SGCD: variants seen among roughly 807,000 people sequenced by gnomAD.
SGCD encodes the protein delta-sarcoglycan.
Under a neutral mutation model 36.6 loss-of-function variants are expected in SGCD, and 18 were observed. The ratio of observed to expected loss-of-function variants is 0.49; its 90% confidence interval spans 0.34 to 0.73. The LOEUF (loss-of-function observed/expected upper bound fraction) is 0.73. SGCD is among the 30% of genes least tolerant of loss of function. The pLI is 0.01. For missense variants in SGCD, 387 were observed against 346.7 expected (o/e 1.12, Z -0.92); for synonymous variants, 133 against 130.6 (o/e 1.02, Z -0.12).
intron 3 of SGCD, among the ~76,000 whole-genome samples, chr5:156,131,215 C>T (rs898445708): frequency 6.6e-5 from 10 of 152,052 alleles, no homozygotes; most frequent in African/African-American, 2.4e-4. Flanking sequence ...GTTTAGAAAA[C>T]CCCATATGAC....
At chr5:156,707,577 C>G in intron 7 of SGCD, among the ~76,000 whole-genome samples, 1 of 151,952 alleles carries the variant, frequency 6.6e-6, no homozygotes, top group East Asian at 1.9e-4. Flanking sequence ...TAATGTGTTC[C>G]TTGTTTATGA....
chr5:156,746,284 A>T (rs1165926877), intron 7 of SGCD, among the ~76,000 whole-genome samples: 1 of 152,186 alleles, frequency 6.6e-6, no homozygotes, highest in Non-Finnish European at 1.5e-5. Flanking sequence ...ATATAGCCAA[A>T]ATCTCTCTCA....
chr5:155,888,504 G>A (rs1280284436), intron 1 of SGCD, among the ~76,000 whole-genome samples: 2 of 152,174 alleles, frequency 1.3e-5, no homozygotes, highest in Admixed American at 6.5e-5. Flanking sequence ...TAAGGGAATA[G>A]GGACGCAAAG....
chr5:156,131,634 A>G (rs189787625), intron 3 of SGCD, among the ~76,000 whole-genome samples: 5 of 152,300 alleles, frequency 3.3e-5, no homozygotes, highest in Admixed American at 3.3e-4. Context: ...TAAAAACTAT[A>G]TCAGTGTTTT....
chr5:156,638,369 C>A (rs964755494), intron 6 of SGCD, among the ~76,000 whole-genome samples: 6 of 152,168 alleles, frequency 3.9e-5, no homozygotes, highest in African/African-American at 1.4e-4. Flanking sequence ...ATTCTGGCCA[C>A]CTGTCCCACT....
intron 3 of SGCD, among the ~76,000 whole-genome samples, chr5:156,258,591 A>G (rs375266634): frequency 2.0e-4 from 30 of 152,286 alleles, no homozygotes; most frequent in Middle Eastern, 6.8e-3. Flanking sequence ...ACCTTTCTCT[A>G]TGTGGTCACA....
intron 6 of SGCD, among the ~76,000 whole-genome samples, chr5:156,625,361 AGTC>A (rs1219241882): frequency 6.6e-6 from 1 of 152,198 alleles, no homozygotes; most frequent in African/African-American, 2.4e-5. Flanking sequence ...ATTAAAAAAA[AGTC>A]GTGATAAAAT....
At chr5:156,185,737 G>A (rs1763726625) in intron 3 of SGCD, among the ~76,000 whole-genome samples, 1 of 150,280 alleles carries the variant, frequency 6.7e-6, no homozygotes, top group South Asian at 2.1e-4. Flanking sequence ...CTCCCCTGTG[G>A]GACCTCAACA....
At chr5:155,865,114 A>AGAT in the SGCD span, among the ~76,000 whole-genome samples, 51 of 152,134 alleles carry the variant, frequency 3.4e-4, no homozygotes, top group Admixed American at 3.0e-3. Context: ...ATAGATAGAT[A>AGAT]GATAGATAGA....
At chr5:156,002,443 A>G (rs766988600) in intron 1 of SGCD, among the ~76,000 whole-genome samples, 1 of 152,224 alleles carries the variant, frequency 6.6e-6, no homozygotes, top group Non-Finnish European at 1.5e-5. Flanking sequence ...GCCAAGTAAT[A>G]TAGATGGGTA....
intron 6 of SGCD, among the ~76,000 whole-genome samples, chr5:156,596,290 A>G (rs1404957389): frequency 6.6e-6 from 1 of 152,176 alleles, no homozygotes. Flanking sequence ...AGGCTCTAGA[A>G]TTAGCCTGTT....
chr5:156,226,792 AG>A (rs1333143314), intron 3 of SGCD, among the ~76,000 whole-genome samples: 1 of 151,890 alleles, frequency 6.6e-6, no homozygotes, highest in African/African-American at 2.4e-5. Context: ...CCATTCTTGC[AG>A]GGGTAAGGTG....
chr5:156,440,322 T>C (rs1753428758), intron 3 of SGCD, among the ~76,000 whole-genome samples: 2 of 152,202 alleles, frequency 1.3e-5, no homozygotes, highest in South Asian at 2.1e-4. Flanking sequence ...CTGACTAATA[T>C]TTCTTTTTGT....
At chr5:156,053,792 A>T (rs1418762748) in intron 1 of SGCD, among the ~76,000 whole-genome samples, 1 of 146,426 alleles carries the variant, frequency 6.8e-6, no homozygotes, top group African/African-American at 2.5e-5. Context: ...ACAGAAATTT[A>T]TTGCTCACAG....
At chr5:156,344,449 G>A (rs748948024) in intron 2 of SGCD, 40 bp from the exon 3 acceptor site, 2 of 1,401,682 alleles carry the variant, frequency 1.4e-6, no homozygotes, top group Admixed American at 2.6e-5. Context: ...TCTCTCAGCG[G>A]TTTAATGTGA....
At chr5:155,855,503 A>G in the SGCD span, among the ~76,000 whole-genome samples, 2 of 152,224 alleles carry the variant, frequency 1.3e-5, no homozygotes, top group South Asian at 2.1e-4. Flanking sequence ...GGAGGAATCC[A>G]AACTAAGCTG....
At chr5:155,837,867 G>C in the SGCD span, among the ~76,000 whole-genome samples, 1 of 152,116 alleles carries the variant, frequency 6.6e-6, no homozygotes, top group African/African-American at 2.4e-5. Context: ...CTTTCATTCC[G>C]ATTGCATTTG....
At chr5:156,118,968 G>A (rs187658119) in intron 2 of SGCD, among the ~76,000 whole-genome samples, 1 of 152,160 alleles carries the variant, frequency 6.6e-6, no homozygotes, top group Admixed American at 6.5e-5. Flanking sequence ...ATGTTTTATA[G>A]CCCCTACTTT....
intron 3 of SGCD, among the ~76,000 whole-genome samples, chr5:156,438,458 GT>G (rs1227316182): frequency 1.3e-5 from 2 of 152,144 alleles, no homozygotes; most frequent in Admixed American, 6.5e-5. Context: ...TCAAAAGGTT[GT>G]TTTTTTCATG....
Sources: allele counts gnomAD v4.1 joint callset (sites outside exome capture counted in the v4.1 genomes callset), GRCh38; gene constraint gnomAD v4.1.1; transcripts MANE v1.5; gene names NCBI Gene and HGNC (gene_info 2026-07-23, HGNC 2026-07-21).